The following PTPRM variants were observed in gnomAD, a reference collection of about 807,000 sequenced individuals.
The protein encoded by PTPRM is receptor-type tyrosine-protein phosphatase mu.
In PTPRM, 47 loss-of-function variants were observed where a neutral mutation model predicts 186.7. That is an observed-to-expected ratio of 0.25 (90% confidence interval 0.20 to 0.32). The LOEUF (loss-of-function observed/expected upper bound fraction) is 0.32. PTPRM is among the 10% of genes least tolerant of loss of function. The pLI is 1.00. For synonymous variants in PTPRM, 668 were observed against 674.9 expected (o/e 0.99, Z 0.16); for missense variants, 1,494 against 1,865.0 (o/e 0.80, Z 3.66).
intron 7 of PTPRM, among the ~76,000 whole-genome samples, chr18:7,972,565 T>G (rs1260021998): frequency 6.8e-6 from 1 of 147,482 alleles, no homozygotes; most frequent in Non-Finnish European, 1.5e-5. Context: ...TACATTAACA[T>G]TTGAAAAAAT....
At chr18:7,636,106 T>C (rs1393456757) in intron 1 of PTPRM, among the ~76,000 whole-genome samples, 1 of 152,120 alleles carries the variant, frequency 6.6e-6, no homozygotes, top group East Asian at 1.9e-4. Context: ...AAGTATTTGC[T>C]TGGGTGCTTC....
At chr18:7,685,814 C>A (rs1285604977) in intron 1 of PTPRM, among the ~76,000 whole-genome samples, 1 of 152,102 alleles carries the variant, frequency 6.6e-6, no homozygotes, top group African/African-American at 2.4e-5. Context: ...GAAAGAGCAC[C>A]TGATGGTTAA....
chr18:7,969,554 C>A (rs1445374020), intron 7 of PTPRM, among the ~76,000 whole-genome samples: 2 of 149,194 alleles, frequency 1.3e-5, no homozygotes, highest in East Asian at 3.9e-4. Flanking sequence ...AATTGATAGA[C>A]CGCTAGCAAG....
At chr18:7,784,634 C>T (rs1396659132) in intron 2 of PTPRM, among the ~76,000 whole-genome samples, 1 of 152,208 alleles carries the variant, frequency 6.6e-6, no homozygotes, top group East Asian at 1.9e-4. Context: ...CTATATTCTT[C>T]AGATCTACCA....
chr18:8,106,273 C>T (rs2091513322), intron 11 of PTPRM, among the ~76,000 whole-genome samples: 1 of 151,936 alleles, frequency 6.6e-6, no homozygotes, highest in Admixed American at 6.6e-5. Context: ...TACTCACAAG[C>T]AATTGGAGTG....
chr18:7,965,931 A>G (rs538766762), intron 7 of PTPRM, among the ~76,000 whole-genome samples: 1 of 152,320 alleles, frequency 6.6e-6, no homozygotes, highest in Non-Finnish European at 1.5e-5. Flanking sequence ...TTCATCTGTA[A>G]GGATAATGCT....
At chr18:8,231,690 T>C (rs1301875073) in intron 14 of PTPRM, among the ~76,000 whole-genome samples, 1 of 152,252 alleles carries the variant, frequency 6.6e-6, no homozygotes. Context: ...ATTTCTCTCC[T>C]GTCCTACCTT....
intron 1 of PTPRM, among the ~76,000 whole-genome samples, chr18:7,716,973 T>C (rs2040348247): frequency 6.6e-6 from 1 of 152,212 alleles, no homozygotes; most frequent in South Asian, 2.1e-4. Context: ...ACTGGGTATA[T>C]ACCCAAAGGA....
At chr18:7,651,905 A>G (rs1405588596) in intron 1 of PTPRM, among the ~76,000 whole-genome samples, 1 of 151,686 alleles carries the variant, frequency 6.6e-6, no homozygotes, top group African/African-American at 2.4e-5. Context: ...GACAAATGGG[A>G]TCTAATTAAA....
At chr18:7,608,132 C>T (rs996427591) in intron 1 of PTPRM, among the ~76,000 whole-genome samples, 4 of 152,180 alleles carry the variant, frequency 2.6e-5, no homozygotes, top group Non-Finnish European at 5.9e-5. Context: ...ATCAAAGGAA[C>T]GAACAACTCC....
chr18:7,699,598 C>G (rs1012914396), intron 1 of PTPRM, among the ~76,000 whole-genome samples: 1 of 152,002 alleles, frequency 6.6e-6, no homozygotes, highest in Non-Finnish European at 1.5e-5. Flanking sequence ...CTAGTAGAGA[C>G]GGGGCTTCAC....
intron 32 of PTPRM, chr18:8,399,655 C>G (rs1271851184): frequency 1.3e-5 from 2 of 152,224 alleles, no homozygotes; most frequent in Non-Finnish European, 2.9e-5. Context: ...GCTGCACCCC[C>G]TTTACAGAGA....
At chr18:8,030,350 G>A (rs1351880057) in intron 7 of PTPRM, among the ~76,000 whole-genome samples, 3 of 152,196 alleles carry the variant, frequency 2.0e-5, no homozygotes, top group Admixed American at 1.3e-4. Context: ...GGAGTGGAAA[G>A]TGATTTGAAA....
At position 8,146,265 on chromosome 18, in the gene PTPRM, G is replaced by A. The variant is rs574968574; in HGVS notation, c.2300+2486G>A. ...TCTCAAACTCCCAATCTTGTGATCC[G>A]CCTGCTTGGCCTCCCAAAGTGCTGG... On this transcript the variant is annotated intron_variant, in intron 14 of 32. Coordinates refer to ENST00000580170, the MANE Select transcript of PTPRM (RefSeq NM_001105244.2). Among the ~76,000 whole-genome samples the A allele has an allele frequency of 2.3e-4, 35 of 152,010 alleles. No homozygotes were observed. In the Middle Eastern group the frequency reaches 0.01, roughly 44 times the overall value.
rs775447799 is a variant in PTPRM, at chr18:7,772,349, C to CTT, written c.74-1799_74-1798insTT. On this transcript the variant is annotated intron_variant, in intron 1 of 32. Coordinates refer to ENST00000580170, the MANE Select transcript of PTPRM (RefSeq NM_001105244.2). Reference sequence around the variant, plus strand: ...CGTTCTTTCTTTTCTTTCTTTCTTTCTCTTTCTTTCTTTCTTTCTTTCTTT... The same window carrying CTT: ...CGTTCTTTCTTTTCTTTCTTTCTTTCTTTCTTTCTTTCTTTCTTTCTTTCTTT... 1.8e-3 allele frequency among the ~76,000 whole-genome samples: 176 copies of CTT among 96,118 alleles called. 1 individual carries two copies. The highest frequency in any genetic ancestry group is 4.2e-3 in the African/African-American group (90 of 21,506). 63.1% of individuals were successfully genotyped at this position (96,118 alleles called of 152,430 possible). A position where few individuals can be genotyped will look rare whatever the true frequency, so the allele number is the denominator to read the frequency against.
rs191371640 is a variant in PTPRM, at chr18:7,922,897, T to G, written c.548-3671T>G. On this transcript the variant is annotated intron_variant, in intron 4 of 32. Coordinates refer to ENST00000580170, the MANE Select transcript of PTPRM (RefSeq NM_001105244.2). Reference sequence around the variant, plus strand: ...AATGGGGGATGTTTCCGTAAACTTGTTTATGTATGATATGTATTAGGGTTT... The same window carrying G: ...AATGGGGGATGTTTCCGTAAACTTGGTTATGTATGATATGTATTAGGGTTT... Among the ~76,000 whole-genome samples, 5 of 152,304 alleles carry G rather than the reference T, an allele frequency of 3.3e-5. 1 individual carries two copies. In the South Asian group the frequency reaches 1.0e-3, roughly 32 times the overall value.
chr18:7,687,293 A>G (rs116988091), intron 1 of PTPRM, among the ~76,000 whole-genome samples: 2,649 of 152,332 alleles, frequency 0.017, 41 homozygotes, highest in East Asian at 0.045. Flanking sequence ...GATAAAATTT[A>G]AGATTTAATT....
intron 1 of PTPRM, among the ~76,000 whole-genome samples, chr18:7,663,378 A>C (rs1187273974): frequency 6.6e-6 from 1 of 152,200 alleles, no homozygotes; most frequent in Non-Finnish European, 1.5e-5. Flanking sequence ...TGTTCTAGGC[A>C]CTGGGAATAC....
intron 14 of PTPRM, among the ~76,000 whole-genome samples, chr18:8,161,231 G>A (rs2093223541): frequency 6.6e-6 from 1 of 152,164 alleles, no homozygotes; most frequent in African/African-American, 2.4e-5. Flanking sequence ...ATGCCTGAGG[G>A]TGTCTTTGCT....
Sources: gnomAD v4.1 joint callset for allele counts (sites outside exome capture counted in the v4.1 genomes callset) on GRCh38, gnomAD v4.1.1 for gene constraint, MANE v1.5 for transcripts, NCBI Gene and HGNC (gene_info 2026-07-23, HGNC 2026-07-21) for gene names.